The following CNTN4 variants were observed in gnomAD, a reference collection of about 807,000 sequenced individuals.
CNTN4 encodes the protein contactin 4.
CNTN4 carries 77 observed loss-of-function variants against 122.5 expected under a neutral mutation model. The observed-to-expected ratio is 0.63, with a 90% CI of 0.52 to 0.76. The LOEUF is 0.76. Among genes scored for constraint, CNTN4 ranks in the 30% least tolerant of loss-of-function variants. CNTN4 has a pLI of 0.00. For synonymous variants in CNTN4, 512 were observed against 447.0 expected (o/e 1.15, Z -1.83); for missense variants, 1,256 against 1,259.1 (o/e 1.00, Z 0.04).
intron 7 of CNTN4, among the ~76,000 whole-genome samples, chr3:2,844,487 C>T (rs1225631243): frequency 6.6e-6 from 1 of 152,088 alleles, no homozygotes; most frequent in Non-Finnish European, 1.5e-5. Context: ...CTCAGCTGTT[C>T]CGGTAAGGAC....
chr3:3,023,546 G>A (rs141676891), intron 14 of CNTN4, among the ~76,000 whole-genome samples: 11 of 152,302 alleles, frequency 7.2e-5, no homozygotes, highest in African/African-American at 2.4e-4. Flanking sequence ...TGGGGTATGT[G>A]CCAACTCCTT....
intron 14 of CNTN4, among the ~76,000 whole-genome samples, chr3:2,993,315 G>A (rs1001331812): frequency 1.1e-5 from 1 of 91,466 alleles, no homozygotes; most frequent in Non-Finnish European, 2.4e-5. Flanking sequence ...TTTTTTTTTT[G>A]AGATGGAGTT....
intron 4 of CNTN4, among the ~76,000 whole-genome samples, chr3:2,600,507 A>C (rs148482701): frequency 0.019 from 2,854 of 152,152 alleles, 100 homozygotes; most frequent in African/African-American, 0.063. Context: ...AGCTTCATCC[A>C]TGTCCCTGCA....
In CNTN4 at chr3:2,333,961, C is replaced by T. The variant is rs79694029; in HGVS notation, c.-144-5217C>T. ...CCTGCTGATTCTGTGATGGAAAATG[C>T]CATCAATAAGTTAAGCAAAACAGGA... On this transcript the variant is annotated intron_variant, in intron 2 of 24. Transcript: ENST00000418658. Among the ~76,000 whole-genome samples, 5 of 152,122 alleles carry T rather than the reference C, an allele frequency of 3.3e-5. No individual in the cohort carries two copies. In the East Asian group the frequency reaches 9.7e-4, roughly 29 times the overall value.
At chr3:2,998,435 G>C (rs1486500357) in intron 14 of CNTN4, among the ~76,000 whole-genome samples, 4 of 152,052 alleles carry the variant, frequency 2.6e-5, no homozygotes, top group African/African-American at 9.7e-5. Context: ...ATGAGACCCA[G>C]GAATTTTCAT....
At chr3:2,149,767 A>T (rs1055888338) in intron 2 of CNTN4, among the ~76,000 whole-genome samples, 3 of 152,112 alleles carry the variant, frequency 2.0e-5, no homozygotes, top group African/African-American at 7.2e-5. Flanking sequence ...GTATAAAGGA[A>T]ATAACCAGGT....
Position 2,409,750 on chromosome 3 carries a change from CAT to C in CNTN4, c.-89+70518_-89+70519del, listed in dbSNP as rs528621583. On this transcript the variant is annotated intron_variant, in intron 3 of 24. Coordinates refer to ENST00000418658, the MANE Select transcript of CNTN4 (RefSeq NM_175607.3). ...TATAAATTTCAAACATAATTAAGCA[CAT>C]GTTATCTTTATTTAAAAGATGAGGC... Among the ~76,000 whole-genome samples, 387 of 152,154 alleles carry C rather than the reference CAT, an allele frequency of 2.5e-3. 1 individual carries two copies. The highest frequency in any genetic ancestry group is 4.6e-3 in the Non-Finnish European group (311 of 68,010).
At chr3:2,828,773 C>G (rs1050124801) in intron 7 of CNTN4, among the ~76,000 whole-genome samples, 11 of 152,084 alleles carry the variant, frequency 7.2e-5, no homozygotes, top group African/African-American at 2.7e-4. Flanking sequence ...CAGGATCTCA[C>G]TCTATCACCT....
chr3:2,977,802 C>T (rs1693568710), intron 13 of CNTN4, among the ~76,000 whole-genome samples: 1 of 152,172 alleles, frequency 6.6e-6, no homozygotes, highest in Non-Finnish European at 1.5e-5. Flanking sequence ...TATTTGGGCC[C>T]TTTGCAGATG....
Position 2,886,410 on chromosome 3 carries a change from T to A in CNTN4, c.756-630T>A, listed in dbSNP as rs199641401. Among the ~76,000 whole-genome samples, 45 of 69,868 alleles carry A rather than the reference T, an allele frequency of 6.4e-4. No homozygotes were observed. The South Asian group carries it at 0.01, about 16-fold the overall frequency. 45.8% of individuals were successfully genotyped at this position (69,868 alleles called of 152,430 possible). A position where few individuals can be genotyped will look rare whatever the true frequency, so the allele number is the denominator to read the frequency against. On this transcript the variant is annotated intron_variant, in intron 9 of 24. Coordinates refer to ENST00000418658, the MANE Select transcript of CNTN4 (RefSeq NM_175607.3). ...TACTCCGTCTCAAAATAAAAAAAAA[T>A]ATATTAAAAAAAAAAGAAAAGCAAA...
chr3:2,642,106 G>A (rs1440108543), intron 4 of CNTN4, among the ~76,000 whole-genome samples: 4 of 152,174 alleles, frequency 2.6e-5, no homozygotes, highest in Admixed American at 1.3e-4. Context: ...TGCAAGCTGC[G>A]GAGCAAGGAA....
chr3:3,042,191 C>A, intron 20 of CNTN4, 119 bp from the exon 21 acceptor site: 1 of 785,890 alleles, frequency 1.3e-6, no homozygotes, highest in Non-Finnish European at 2.2e-6. Context: ...GAGGGTTTGG[C>A]TTACAATCAT....
At chr3:2,701,596 C>T (rs1003576436) in intron 4 of CNTN4, among the ~76,000 whole-genome samples, 3 of 152,106 alleles carry the variant, frequency 2.0e-5, no homozygotes, top group African/African-American at 4.8e-5. Context: ...GTGGGGACAG[C>T]GCATGCGTAG....
At chr3:2,681,967 T>C (rs967123832) in intron 4 of CNTN4, among the ~76,000 whole-genome samples, 9 of 152,186 alleles carry the variant, frequency 5.9e-5, no homozygotes, top group African/African-American at 2.2e-4. Flanking sequence ...TTCCTCCATT[T>C]TGAGTGTTAC....
intron 2 of CNTN4, among the ~76,000 whole-genome samples, chr3:2,306,577 T>A (rs1324434247): frequency 1.3e-5 from 2 of 152,198 alleles, no homozygotes; most frequent in Non-Finnish European, 2.9e-5. Context: ...CATTGTTTTT[T>A]TTCAGGATGT....
At chr3:2,153,001 A>G (rs897049308) in intron 2 of CNTN4, among the ~76,000 whole-genome samples, 2 of 152,186 alleles carry the variant, frequency 1.3e-5, no homozygotes, top group African/African-American at 4.8e-5. Flanking sequence ...GCTTTAGATT[A>G]CCAGACCCTA....
chr3:2,360,620 T>G (rs190490733), intron 3 of CNTN4, among the ~76,000 whole-genome samples: 39 of 152,248 alleles, frequency 2.6e-4, no homozygotes, highest in African/African-American at 9.4e-4. Context: ...CTCAGGAAAC[T>G]TAAAATCATG....
chr3:2,773,352 TG>T (rs2091184376), intron 6 of CNTN4, among the ~76,000 whole-genome samples: 1 of 152,204 alleles, frequency 6.6e-6, no homozygotes, highest in African/African-American at 2.4e-5. Flanking sequence ...AGTACTGACT[TG>T]TTAGATATAA....
chr3:3,027,761 C>T (rs890524276), intron 15 of CNTN4, among the ~76,000 whole-genome samples: 1 of 152,160 alleles, frequency 6.6e-6, no homozygotes, highest in South Asian at 2.1e-4. Flanking sequence ...CCCGACCAAT[C>T]GAAGTGGACG....
Sources: allele counts gnomAD v4.1 joint callset (sites outside exome capture counted in the v4.1 genomes callset), GRCh38; gene constraint gnomAD v4.1.1; transcripts MANE v1.5; gene names NCBI Gene and HGNC (gene_info 2026-07-23, HGNC 2026-07-21).